ITPR1: variants seen among roughly 807,000 people sequenced by gnomAD.
ITPR1 encodes inositol 1,4,5-trisphosphate-gated calcium channel ITPR1.
ITPR1 carries 96 observed loss-of-function variants against 318.4 expected under a neutral mutation model. That is an observed-to-expected ratio of 0.30 (90% CI 0.26 to 0.36). ITPR1 has a LOEUF of 0.36. ITPR1 is among the 10% of genes least tolerant of loss of function. ITPR1 has a pLI of 1.00. For missense variants in ITPR1, 2,440 were observed against 3,460.2 expected, an observed-to-expected ratio of 0.71 and a Z score of 7.40; for synonymous variants, 1,312 against 1,289.9, an observed-to-expected ratio of 1.02 and a Z score of -0.37.
intron 44 of ITPR1, among the ~76,000 whole-genome samples, chr3:4,760,945 C>T (rs1432907048): frequency 2.0e-5 from 3 of 152,202 alleles, no homozygotes; most frequent in Non-Finnish European, 4.4e-5. Context: ...CCACATAAGA[C>T]AGCATTTTCA....
intron 26 of ITPR1, among the ~76,000 whole-genome samples, chr3:4,681,900 T>C (rs954027999): frequency 1.3e-5 from 2 of 152,046 alleles, no homozygotes; most frequent in Non-Finnish European, 2.9e-5. Flanking sequence ...CTAATATTAA[T>C]GTATGAACCC....
intron 24 of ITPR1, among the ~76,000 whole-genome samples, chr3:4,677,811 G>T (rs2094214819): frequency 6.6e-6 from 1 of 152,112 alleles, no homozygotes; most frequent in African/African-American, 2.4e-5. Flanking sequence ...TGTTTGGGGA[G>T]AGAATAATTG....
intron 22 of ITPR1, among the ~76,000 whole-genome samples, chr3:4,674,589 A>C (rs1310399965): frequency 6.6e-6 from 1 of 152,186 alleles, no homozygotes; most frequent in Non-Finnish European, 1.5e-5. Context: ...AAATGATAGA[A>C]CATCACTTTG....
At chr3:4,729,780 ATG>A (rs1381623921) in intron 42 of ITPR1, among the ~76,000 whole-genome samples, 4 of 152,194 alleles carry the variant, frequency 2.6e-5, no homozygotes, top group Admixed American at 2.6e-4. Context: ...TTAGGTAATA[ATG>A]TGTGGGAATT....
chr3:4,601,309 A>G (rs1231257923), intron 4 of ITPR1, among the ~76,000 whole-genome samples: 1 of 151,198 alleles, frequency 6.6e-6, no homozygotes, highest in Non-Finnish European at 1.5e-5. Context: ...ACTTGAGCCC[A>G]GGAGTTCGAA....
intron 53 of ITPR1, among the ~76,000 whole-genome samples, chr3:4,798,667 G>C (rs2048039162): frequency 6.6e-6 from 1 of 152,182 alleles, no homozygotes; most frequent in Non-Finnish European, 1.5e-5. Context: ...AGCATTATTT[G>C]TAATCACTCC....
intron 10 of ITPR1, among the ~76,000 whole-genome samples, chr3:4,648,564 CT>C (rs1263210350): frequency 6.6e-6 from 1 of 152,168 alleles, no homozygotes; most frequent in African/African-American, 2.4e-5. Flanking sequence ...AATCCCAGCA[CT>C]TTGGGAGGCC....
chr3:4,588,002 G>T (rs1187196945), intron 4 of ITPR1, among the ~76,000 whole-genome samples: 7 of 151,926 alleles, frequency 4.6e-5, no homozygotes. Context: ...GCTCTGTTAA[G>T]ACTGTATTGA....
At chr3:4,613,137 T>C (rs976533031) in intron 4 of ITPR1, among the ~76,000 whole-genome samples, 1 of 152,182 alleles carries the variant, frequency 6.6e-6, no homozygotes. Context: ...GTACGTTGGT[T>C]GGGTCCAGTA....
At chr3:4,705,292 G>C (rs756675196) in intron 36 of ITPR1, among the ~76,000 whole-genome samples, 2 of 152,170 alleles carry the variant, frequency 1.3e-5, no homozygotes, top group Non-Finnish European at 2.9e-5. Flanking sequence ...GTAATACAGA[G>C]AGTTCCCACA....
At chr3:4,718,753 G>A (rs746631419) in intron 40 of ITPR1, among the ~76,000 whole-genome samples, 37 of 152,172 alleles carry the variant, frequency 2.4e-4, no homozygotes, top group Admixed American at 2.1e-3. Context: ...AAAACAAAAG[G>A]GAGTGCACCA....
chr3:4,543,082 A>G (rs2084622384), intron 4 of ITPR1, among the ~76,000 whole-genome samples: 1 of 152,036 alleles, frequency 6.6e-6, no homozygotes, highest in Admixed American at 6.6e-5. Context: ...AGTTATAATC[A>G]TTGGAGAAAG....
At chr3:4,653,780 TG>T (rs1352689371) in intron 11 of ITPR1, 61 bp from the exon 12 acceptor site, 8 of 1,241,776 alleles carry the variant, frequency 6.4e-6, no homozygotes, top group Non-Finnish European at 9.3e-6. Context: ...CTCCTGCAAG[TG>T]GGGCCCAGTC....
intron 12 of ITPR1, among the ~76,000 whole-genome samples, chr3:4,656,230 C>T (rs1179493326): frequency 1.3e-5 from 2 of 152,238 alleles, no homozygotes; most frequent in Admixed American, 6.5e-5. Context: ...CTTTTCCAGA[C>T]ACAGTGGACG....
intron 4 of ITPR1, among the ~76,000 whole-genome samples, chr3:4,597,116 C>T (rs1161800815): frequency 6.6e-6 from 1 of 152,122 alleles, no homozygotes; most frequent in Non-Finnish European, 1.5e-5. Flanking sequence ...ATATGAGCCC[C>T]GTGGTGCCAA....
At chr3:4,518,049 C>T (rs569133163) in intron 3 of ITPR1, among the ~76,000 whole-genome samples, 16 of 152,294 alleles carry the variant, frequency 1.1e-4, no homozygotes, top group African/African-American at 3.6e-4. Context: ...AAGTCACTTG[C>T]CCAAGATTTC....
At chr3:4,719,656 A>T (rs1405017895) in intron 40 of ITPR1, among the ~76,000 whole-genome samples, 1 of 152,202 alleles carries the variant, frequency 6.6e-6, no homozygotes, top group African/African-American at 2.4e-5. Context: ...AGGCCACTTG[A>T]TGTGCAATTA....
At chr3:4,816,517 G>T (rs1559947610) in intron 59 of ITPR1, among the ~76,000 whole-genome samples, 1 of 152,198 alleles carries the variant, frequency 6.6e-6, no homozygotes, top group Admixed American at 6.5e-5. Context: ...CACCTGAGTA[G>T]CTAGGATTAC....
chr3:4,693,715 G>A lies in ITPR1; in HGVS notation c.4255G>A (p.Val1419Met). ...CCCGCTGGATGACATCGTTCGCGTG[G>A]TGACCCACGAGGACTGCATCCCTGA... ...LLPLDDIVRVVTHEDCIPEVK... is the reference protein window; with the variant it reads ...LLPLDDIVRVMTHEDCIPEVK... The change falls in exon 33 of 62, where the codon GTG (valine) becomes ATG (methionine). Residue 1419 changes from valine to methionine, a missense_variant. Physicochemically the swap from Val to Met is conservative, Grantham distance 21. Coordinates refer to ENST00000649015, the MANE Select transcript of ITPR1 (RefSeq NM_001378452.1). The A allele has an allele frequency of 6.2e-7, 1 of 1,613,376 alleles. No individual in the cohort carries two copies. Among genetic ancestry groups the A allele is most frequent in the Non-Finnish European group, 8.5e-7 (1 of 1,179,586 alleles).
Sources: gnomAD v4.1 joint callset for allele counts (sites outside exome capture counted in the v4.1 genomes callset) on GRCh38, gnomAD v4.1.1 for gene constraint, MANE v1.5 for transcripts, NCBI Gene and HGNC (gene_info 2026-07-23, HGNC 2026-07-21) for gene names.